GALNTL6: variants seen among roughly 807,000 people sequenced by gnomAD.
GALNTL6 encodes the protein polypeptide N-acetylgalactosaminyltransferase-like 6.
A neutral mutation model predicts 73.7 loss-of-function variants in GALNTL6; 46 were observed. The ratio of observed to expected loss-of-function variants is 0.62; its 90% CI spans 0.49 to 0.80. The LOEUF (loss-of-function observed/expected upper bound fraction) is 0.80, where lower values mean the gene tolerates loss of function less well. Among genes scored for constraint, GALNTL6 ranks in the 30% least tolerant of loss-of-function variants. The pLI is 0.00. For missense variants in GALNTL6, 604 were observed against 755.0 expected (o/e 0.80, Z 2.34); for synonymous variants, 259 against 263.7 (o/e 0.98, Z 0.17).
chr4:172,252,889 G>GA (rs975633215), intron 3 of GALNTL6, among the ~76,000 whole-genome samples: 76 of 147,988 alleles, frequency 5.1e-4, no homozygotes, highest in Admixed American at 2.0e-3. Flanking sequence ...AAAGATTAAG[G>GA]AAAAAAAAAC....
intron 4 of GALNTL6, among the ~76,000 whole-genome samples, chr4:172,337,268 G>A (rs1287959756): frequency 6.6e-6 from 1 of 151,824 alleles, no homozygotes; most frequent in Admixed American, 6.6e-5. Flanking sequence ...TACCTTCAAG[G>A]TTACACCATG....
At chr4:172,919,030 G>A (rs1441778109) in intron 8 of GALNTL6, among the ~76,000 whole-genome samples, 3 of 152,088 alleles carry the variant, frequency 2.0e-5, no homozygotes, top group Non-Finnish European at 4.4e-5. Flanking sequence ...GATTCTTTGA[G>A]GCATTTATTG....
chr4:172,971,009 T>C (rs1422330211), intron 10 of GALNTL6, among the ~76,000 whole-genome samples: 1 of 152,216 alleles, frequency 6.6e-6, no homozygotes, highest in African/African-American at 2.4e-5. Flanking sequence ...GTCCGTGAAA[T>C]CTTCACAATT....
At chr4:172,807,300 C>G (rs1741021771) in intron 5 of GALNTL6, among the ~76,000 whole-genome samples, 1 of 152,208 alleles carries the variant, frequency 6.6e-6, no homozygotes, top group African/African-American at 2.4e-5. Flanking sequence ...TGGCTTGCCA[C>G]AACTTCTTCC....
At chr4:172,848,447 A>C (rs1461140343) in intron 7 of GALNTL6, among the ~76,000 whole-genome samples, 1 of 152,222 alleles carries the variant, frequency 6.6e-6, no homozygotes, top group Non-Finnish European at 1.5e-5. Context: ...TGGAGCTGCT[A>C]TTATAGCCTC....
At chr4:172,700,935 T>G (rs75193130) in intron 5 of GALNTL6, among the ~76,000 whole-genome samples, 2,056 of 152,192 alleles carry the variant, frequency 0.014, 43 homozygotes, top group African/African-American at 0.046. Flanking sequence ...ACCCCGTTTA[T>G]TTCCCATAAG....
chr4:172,148,310 T>G (rs1733981067), intron 2 of GALNTL6, among the ~76,000 whole-genome samples: 1 of 152,186 alleles, frequency 6.6e-6, no homozygotes, highest in African/African-American at 2.4e-5. Context: ...GTTGTGGTAT[T>G]ACACACTAGA....
intron 7 of GALNTL6, among the ~76,000 whole-genome samples, chr4:172,842,161 G>A (rs957550604): frequency 1.3e-5 from 2 of 152,150 alleles, no homozygotes; most frequent in African/African-American, 2.4e-5. Context: ...AAAGTATCTC[G>A]AAGTTATCTG....
chr4:172,667,541 A>G (rs1324652112), intron 5 of GALNTL6: 1 of 152,216 alleles, frequency 6.6e-6, no homozygotes, highest in Non-Finnish European at 1.5e-5. Context: ...CCATGAGATT[A>G]TAGGACTCAG....
chr4:172,028,316 T>C (rs7657985), intron 2 of GALNTL6, among the ~76,000 whole-genome samples: 1 of 134,438 alleles, frequency 7.4e-6, no homozygotes, highest in African/African-American at 2.6e-5. Flanking sequence ...TTCAAAAAAA[T>C]ATAAAGTTGA....
At chr4:171,864,313 T>A (rs370179782) in intron 2 of GALNTL6, among the ~76,000 whole-genome samples, 1 of 152,156 alleles carries the variant, frequency 6.6e-6, no homozygotes, top group Non-Finnish European at 1.5e-5. Context: ...GTCACGATTA[T>A]CTTTAAGGAA....
At chr4:172,528,316 T>TAAAAAA (rs1220568227) in intron 5 of GALNTL6, among the ~76,000 whole-genome samples, 1 of 106,728 alleles carries the variant, frequency 9.4e-6, no homozygotes, top group African/African-American at 4.6e-5. Flanking sequence ...TTGCTAGAAA[T>TAAAAAA]AAAATATATA....
At chr4:172,566,633 GA>G (rs1209919219) in intron 5 of GALNTL6, among the ~76,000 whole-genome samples, 1 of 149,578 alleles carries the variant, frequency 6.7e-6, no homozygotes. Flanking sequence ...CCAAGAAAAA[GA>G]AAAAAACTAC....
intron 2 of GALNTL6, among the ~76,000 whole-genome samples, chr4:172,102,838 G>A (rs549968605): frequency 6.6e-6 from 1 of 152,280 alleles, no homozygotes; most frequent in Admixed American, 6.5e-5. Flanking sequence ...TCACTGTCAT[G>A]GGAACTTGGA....
intron 3 of GALNTL6, among the ~76,000 whole-genome samples, chr4:172,246,348 A>G (rs1579295930): frequency 6.6e-6 from 1 of 152,214 alleles, no homozygotes; most frequent in African/African-American, 2.4e-5. Flanking sequence ...TCATTGGGAT[A>G]CCAATATTAT....
chr4:172,487,271 C>CT (rs1561106669), intron 5 of GALNTL6, among the ~76,000 whole-genome samples: 1 of 125,134 alleles, frequency 8.0e-6, no homozygotes, highest in Non-Finnish European at 1.7e-5. Context: ...TCCTTCCTTT[C>CT]CTCTTTCTTT....
intron 3 of GALNTL6, among the ~76,000 whole-genome samples, chr4:172,272,179 T>G (rs1183870406): frequency 6.6e-6 from 1 of 152,168 alleles, no homozygotes; most frequent in African/African-American, 2.4e-5. Context: ...GCTTTCAAAC[T>G]CCTGACCTCA....
At chr4:172,718,645 C>CA (rs898724311) in intron 5 of GALNTL6, among the ~76,000 whole-genome samples, 83 of 146,532 alleles carry the variant, frequency 5.7e-4, no homozygotes, top group Middle Eastern at 3.5e-3. Flanking sequence ...CTCAAAAAAA[C>CA]AAAAAAAAAA....
At chr4:172,522,681 A>T (rs61410370) in intron 5 of GALNTL6, among the ~76,000 whole-genome samples, 1 of 119,210 alleles carries the variant, frequency 8.4e-6, no homozygotes, top group Non-Finnish European at 1.6e-5. Context: ...CCCCCCCCAA[A>T]AAAAAAGTGT....
Sources: allele counts gnomAD v4.1 joint callset (sites outside exome capture counted in the v4.1 genomes callset), GRCh38; gene constraint gnomAD v4.1.1; transcripts MANE v1.5; gene names NCBI Gene and HGNC (gene_info 2026-07-23, HGNC 2026-07-21).